The following ANKDD1A variants were observed in gnomAD, a reference collection of about 807,000 sequenced individuals.
ANKDD1A encodes the protein ankyrin repeat and death domain-containing protein 1A.
In ANKDD1A, 59 loss-of-function variants were observed where a neutral mutation model predicts 63.5. That is an observed-to-expected ratio of 0.93 (90% confidence interval 0.75 to 1.15). The LOEUF is 1.15. ANKDD1A is among the 50% of genes most tolerant of loss of function. The pLI, the probability that ANKDD1A is intolerant of heterozygous loss-of-function variation, is 0.00. For synonymous variants in ANKDD1A, 266 were observed against 263.9 expected, an observed-to-expected ratio of 1.01 and a Z score of -0.08; for missense variants, 632 against 656.4, an observed-to-expected ratio of 0.96 and a Z score of 0.41.
chr15:64,952,402 T>C (rs561041913), intron 14 of ANKDD1A, among the ~76,000 whole-genome samples: 1,989 of 13,326 alleles, frequency 0.15, 50 homozygotes, highest in Middle Eastern at 0.25. Context: ...TCTTCCTCCT[T>C]CTTCTTCTTC....
In ANKDD1A at chr15:64,915,783, T is replaced by C; in HGVS notation, c.35-14T>C. 6.2e-7 allele frequency: 1 copy of C among 1,612,408 alleles called. No individual in the cohort carries two copies. Among genetic ancestry groups the C allele is most frequent in the Non-Finnish European group, 8.5e-7 (1 of 1,178,846 alleles). ...ATCCTCCCCCTCATCCTGCACCCCATTTTCTCCCCACAGTGCTTCCTCTGG... is the reference window on the plus strand; with the variant it reads ...ATCCTCCCCCTCATCCTGCACCCCACTTTCTCCCCACAGTGCTTCCTCTGG... On this transcript the variant is annotated splice_polypyrimidine_tract_variant and intron_variant, in intron 1 of 14. Transcript: ENST00000319580.
At chr15:64,945,983 G>C (rs991891461) in intron 12 of ANKDD1A, among the ~76,000 whole-genome samples, 1 of 152,040 alleles carries the variant, frequency 6.6e-6, no homozygotes, top group Non-Finnish European at 1.5e-5. Flanking sequence ...AGGGGCATCT[G>C]TGTTGAATCT....
chr15:64,915,692 C>T, intron 1 of ANKDD1A, 105 bp from the exon 2 acceptor site: 1 of 940,030 alleles, frequency 1.1e-6, no homozygotes, highest in Non-Finnish European at 1.7e-6. Flanking sequence ...AGCTGAAAGA[C>T]CCCTGCTCCA....
intron 14 of ANKDD1A, among the ~76,000 whole-genome samples, chr15:64,954,319 TTAGTTCTTC>T (rs2085380572): frequency 9.4e-5 from 2 of 21,244 alleles, no homozygotes; most frequent in Non-Finnish European, 4.0e-4. Context: ...CTCTTCCTTC[TTAGTTCTTC>T]CTTCTTCTTC....
At chr15:64,938,141 A>G (rs1567114110) in intron 9 of ANKDD1A, among the ~76,000 whole-genome samples, 2 of 152,252 alleles carry the variant, frequency 1.3e-5, no homozygotes, top group Non-Finnish European at 2.9e-5. Context: ...AAGTAAATGG[A>G]GGAGAATAAA....
intron 14 of ANKDD1A, among the ~76,000 whole-genome samples, chr15:64,953,270 CCT>C (rs2085335765): frequency 6.9e-6 from 1 of 145,014 alleles, no homozygotes; most frequent in Non-Finnish European, 1.5e-5. Flanking sequence ...CTTAGTTCTT[CCT>C]CTTCTTTCCT....
At chr15:64,924,058 G>A (rs1319939048) in intron 4 of ANKDD1A, among the ~76,000 whole-genome samples, 6 of 152,182 alleles carry the variant, frequency 3.9e-5, no homozygotes, top group African/African-American at 9.7e-5. Flanking sequence ...TGTGGTTGGC[G>A]GGCAGTTCCT....
chr15:64,942,599 G>T lies in ANKDD1A; in HGVS notation c.966+34G>T, dbSNP rs765459553. ...CTACAGAGACCTTCCGGGCCCCAGG[G>T]AGCTTCTGGAAACCCTCCCAGGCTG... On this transcript the variant is annotated intron_variant, in intron 10 of 14. Transcript: ENST00000319580. 1.1e-5 allele frequency: 18 copies of T among 1,578,634 alleles called. No homozygotes were observed. In the Admixed American group the frequency reaches 3.0e-4, roughly 26 times the overall value.
At chr15:64,953,610 C>CTTAGTTCTTCTTAGT in intron 14 of ANKDD1A, among the ~76,000 whole-genome samples, 1 of 4,954 alleles carries the variant, frequency 2.0e-4, no homozygotes, top group East Asian at 0.018. Flanking sequence ...CTTCTTTCTT[C>CTTAGTTCTTCTTAGT]TCTCCTTCTT....
At chr15:64,941,027 G>A (rs1304143403) in intron 9 of ANKDD1A, among the ~76,000 whole-genome samples, 1 of 152,188 alleles carries the variant, frequency 6.6e-6, no homozygotes, top group Non-Finnish European at 1.5e-5. Flanking sequence ...ACAGGTGTGA[G>A]CTACCACACC....
At chr15:64,950,214 C>G in intron 14 of ANKDD1A, 2 of 985,412 alleles carry the variant, frequency 2.0e-6, no homozygotes, top group South Asian at 4.7e-5. Flanking sequence ...CTTCACAGCC[C>G]CGGAGCCAGT....
chr15:64,944,370 T>C (rs1273323259), intron 11 of ANKDD1A, among the ~76,000 whole-genome samples: 1 of 152,218 alleles, frequency 6.6e-6, no homozygotes, highest in Admixed American at 6.5e-5. Context: ...ACAGGAGATG[T>C]TGAAGAGTTA....
intron 3 of ANKDD1A, among the ~76,000 whole-genome samples, chr15:64,921,042 C>A (rs1196128064): frequency 6.6e-6 from 1 of 152,174 alleles, no homozygotes; most frequent in Non-Finnish European, 1.5e-5. Flanking sequence ...GCGATCACAG[C>A]TCACTGTAGC....
chr15:64,948,244 T>G (rs150607998), intron 13 of ANKDD1A, among the ~76,000 whole-genome samples: 1 of 152,160 alleles, frequency 6.6e-6, no homozygotes, highest in African/African-American at 2.4e-5. Flanking sequence ...ATGACACATA[T>G]GAATAAAACA....
At chr15:64,934,798 T>C (rs2085116043) in intron 9 of ANKDD1A, among the ~76,000 whole-genome samples, 1 of 151,704 alleles carries the variant, frequency 6.6e-6, no homozygotes, top group South Asian at 2.1e-4. Context: ...ATTACAGGCA[T>C]GAGTCACTGT....
chr15:64,941,004 A>C (rs2085180569), intron 9 of ANKDD1A, among the ~76,000 whole-genome samples: 1 of 152,124 alleles, frequency 6.6e-6, no homozygotes, highest in South Asian at 2.1e-4. Flanking sequence ...TAGCCTCCCA[A>C]AGTACTGGGA....
intron 12 of ANKDD1A, among the ~76,000 whole-genome samples, chr15:64,946,619 G>C (rs2085224803): frequency 6.6e-6 from 1 of 152,180 alleles, no homozygotes; most frequent in Non-Finnish European, 1.5e-5. Flanking sequence ...AATTCAGGTA[G>C]AATCTCTGAG....
chr15:64,950,400 T>A lies in ANKDD1A; in HGVS notation c.1483+428T>A, dbSNP rs1276922017. ...ATCTGGTCAAATAAACCTTCTGAGG[T>A]CATCACAACTTATTTGAGTATGCCA... is the stretch of plus-strand genomic sequence containing the variant. On this transcript the variant is annotated intron_variant, in intron 14 of 14. Coordinates refer to ENST00000319580, the MANE Select transcript of ANKDD1A (RefSeq NM_182703.6). 6 of 985,258 alleles carry A rather than the reference T, an allele frequency of 6.1e-6. No individual in the cohort carries two copies. The African/African-American group carries it at 8.7e-5, about 14-fold the overall frequency. The allele number at this position is 985,258 out of a possible 1,614,324, so 61.0% of individuals were successfully genotyped here.
intron 9 of ANKDD1A, 108 bp from the exon 10 acceptor site, chr15:64,942,359 C>A: frequency 1.3e-6 from 1 of 784,492 alleles, no homozygotes; most frequent in Non-Finnish European, 1.9e-6. Context: ...CTAAAAGGGC[C>A]AAACCCAGAA....
Sources: gnomAD v4.1 joint callset for allele counts (sites outside exome capture counted in the v4.1 genomes callset) on GRCh38, gnomAD v4.1.1 for gene constraint, MANE v1.5 for transcripts, NCBI Gene and HGNC (gene_info 2026-07-23, HGNC 2026-07-21) for gene names.